HTR7: variants seen among roughly 807,000 people sequenced by gnomAD.
HTR7 encodes the protein 5-HT-7.
A neutral mutation model predicts 34.0 loss-of-function variants in HTR7; 16 were observed. The observed-to-expected ratio is 0.47, with a 90% CI of 0.32 to 0.71. The LOEUF (loss-of-function observed/expected upper bound fraction) is 0.71, where lower values mean the gene tolerates loss of function less well. Among genes scored for constraint, HTR7 ranks in the 30% least tolerant of loss-of-function variants. HTR7 has a pLI of 0.04. For synonymous variants in HTR7, 265 were observed against 260.2 expected, an observed-to-expected ratio of 1.02 and a Z score of -0.18; for missense variants, 504 against 625.5, an observed-to-expected ratio of 0.81 and a Z score of 2.07.
At chr10:90,822,164 A>C (rs1436806044) in intron 1 of HTR7, among the ~76,000 whole-genome samples, 4 of 152,228 alleles carry the variant, frequency 2.6e-5, no homozygotes, top group South Asian at 4.1e-4. Flanking sequence ...GATCAGAAGA[A>C]GACAGAAAGA....
intron 1 of HTR7, among the ~76,000 whole-genome samples, chr10:90,809,521 C>T (rs1845766482): frequency 6.6e-6 from 1 of 152,192 alleles, no homozygotes; most frequent in Admixed American, 6.5e-5. Flanking sequence ...CCCTCAAACC[C>T]CACAACGGGA....
At chr10:90,755,485 C>G (rs777644712) in intron 1 of HTR7, among the ~76,000 whole-genome samples, 2 of 152,170 alleles carry the variant, frequency 1.3e-5, no homozygotes, top group Admixed American at 1.3e-4. Context: ...AAACCATTAT[C>G]TACTCTCTTC....
At position 90,745,837 on chromosome 10, in the gene HTR7, T is replaced by G. The variant is rs532958762; in HGVS notation, c.1296-2147A>C. ...ATTACTCATCAGTGAGATGAGTAGT[T>G]TCAATAGAGACCATATGGCTAGCAA... On this transcript the variant is annotated intron_variant, in intron 2 of 3. Transcript: ENST00000336152. 2.9e-3 allele frequency among the ~76,000 whole-genome samples: 439 copies of G among 152,282 alleles called. 4 individuals carry two copies. Among genetic ancestry groups the G allele is most frequent in the Non-Finnish European group, 3.1e-3 (214 of 68,018 alleles).
At chr10:90,760,859 C>T (rs1039367559) in intron 1 of HTR7, among the ~76,000 whole-genome samples, 2 of 152,032 alleles carry the variant, frequency 1.3e-5, no homozygotes, top group African/African-American at 4.8e-5. Flanking sequence ...GCAGCCTGCG[C>T]AACAGAGTGA....
intron 1 of HTR7, among the ~76,000 whole-genome samples, chr10:90,766,591 G>A (rs2119739856): frequency 6.6e-6 from 1 of 152,210 alleles, no homozygotes; most frequent in Non-Finnish European, 1.5e-5. Context: ...TGCCTGTTTT[G>A]TAGTTCCTTT....
At position 90,742,142 on chromosome 10, in the gene HTR7, G is replaced by GA; in HGVS notation, c.*339dup. ...ACAACGCCTAGACTCAGAAGCATGG[G>GA]AAGTGTGCACTGGAACTTTCTCCCA... On this transcript the variant is annotated 3_prime_UTR_variant, in exon 4 of 4. Coordinates refer to ENST00000336152, the MANE Select transcript of HTR7 (RefSeq NM_019859.4). 5.2e-6 allele frequency: 1 copy of GA among 192,308 alleles called. No homozygotes were observed. Among genetic ancestry groups the GA allele is most frequent in the Non-Finnish European group, 1.1e-5 (1 of 94,004 alleles). 11.9% of individuals were successfully genotyped at this position (192,308 alleles called of 1,614,324 possible).
chr10:90,747,494 T>C (rs1174891462), intron 2 of HTR7, among the ~76,000 whole-genome samples: 1 of 152,226 alleles, frequency 6.6e-6, no homozygotes, highest in Non-Finnish European at 1.5e-5. Flanking sequence ...CCTGTGAAGC[T>C]ACACTCAGCT....
At chr10:90,769,389 C>T (rs957270888) in intron 1 of HTR7, among the ~76,000 whole-genome samples, 1 of 152,168 alleles carries the variant, frequency 6.6e-6, no homozygotes, top group African/African-American at 2.4e-5. Flanking sequence ...AATTAATTTG[C>T]CCATTTCCAT....
intron 1 of HTR7, among the ~76,000 whole-genome samples, chr10:90,839,755 G>A (rs1846300389): frequency 6.6e-6 from 1 of 151,978 alleles, no homozygotes; most frequent in Non-Finnish European, 1.5e-5. Context: ...AAAGGCTGTT[G>A]GAAAACAGAC....
chr10:90,807,650 G>A lies in HTR7; in HGVS notation c.539+49483C>T, dbSNP rs545740101. ...ATCTCCCTTTGCTGACTCTCTTTTCGGACTCAGCCCGCAGGCACCCAGGTG... is the reference window on the plus strand; with the variant it reads ...ATCTCCCTTTGCTGACTCTCTTTTCAGACTCAGCCCGCAGGCACCCAGGTG... On this transcript the variant is annotated intron_variant, in intron 1 of 3. Transcript: ENST00000336152. Among the ~76,000 whole-genome samples the A allele has an allele frequency of 7.2e-4, 109 of 152,124 alleles. No individual in the cohort carries two copies. The South Asian group carries it at 0.013, about 18-fold the overall frequency.
intron 1 of HTR7, among the ~76,000 whole-genome samples, chr10:90,825,359 C>T (rs1302147721): frequency 1.3e-5 from 2 of 152,146 alleles, no homozygotes; most frequent in South Asian, 2.1e-4. Context: ...CCTTCAAATA[C>T]CTGAAAAACC....
chr10:90,788,522 A>G (rs1845416433), intron 1 of HTR7, among the ~76,000 whole-genome samples: 1 of 152,206 alleles, frequency 6.6e-6, no homozygotes, highest in Non-Finnish European at 1.5e-5. Flanking sequence ...TCCAGATATA[A>G]AGCTTAAAAG....
intron 1 of HTR7, among the ~76,000 whole-genome samples, chr10:90,847,820 A>T (rs937528250): frequency 2.6e-5 from 4 of 152,248 alleles, no homozygotes; most frequent in African/African-American, 9.6e-5. Context: ...GATTAATCAT[A>T]TATCTGACTT....
Position 90,756,343 on chromosome 10 carries a change from T to C in HTR7, c.540-6749A>G, listed in dbSNP as rs113153778. Among the ~76,000 whole-genome samples the C allele has an allele frequency of 3.9e-3, 598 of 152,360 alleles. 6 individuals carry two copies. The highest frequency in any genetic ancestry group is 0.014 in the African/African-American group (572 of 41,584). ...TATGATTTGTGCAGTGTTCCGGATGTATGTAAATCAGGTTTTTTTAAATAC... is the reference window on the plus strand; with the variant it reads ...TATGATTTGTGCAGTGTTCCGGATGCATGTAAATCAGGTTTTTTTAAATAC... On this transcript the variant is annotated intron_variant, in intron 1 of 3. Transcript: ENST00000336152.
At chr10:90,817,131 A>G (rs1845908642) in intron 1 of HTR7, among the ~76,000 whole-genome samples, 1 of 152,228 alleles carries the variant, frequency 6.6e-6, no homozygotes, top group Non-Finnish European at 1.5e-5. Flanking sequence ...GGCCAATCTT[A>G]GCCAAAAGGG....
intron 1 of HTR7, among the ~76,000 whole-genome samples, chr10:90,753,377 G>C (rs934223361): frequency 2.7e-5 from 4 of 150,826 alleles, no homozygotes; most frequent in East Asian, 1.9e-4. Context: ...ATTTTAAAGA[G>C]AGAGAGAGAG....
At chr10:90,752,596 G>A (rs1844756907) in intron 1 of HTR7, among the ~76,000 whole-genome samples, 2 of 151,662 alleles carry the variant, frequency 1.3e-5, no homozygotes, top group South Asian at 4.2e-4. Context: ...AAAGAATAAT[G>A]AAGGGATACT....
intron 1 of HTR7, among the ~76,000 whole-genome samples, chr10:90,753,762 T>A (rs1052651477): frequency 3.9e-5 from 6 of 152,002 alleles, no homozygotes; most frequent in African/African-American, 1.4e-4. Context: ...ATAATATGTA[T>A]AATGCAGCCA....
chr10:90,852,318 G>A (rs995614978), intron 1 of HTR7, among the ~76,000 whole-genome samples: 5 of 151,922 alleles, frequency 3.3e-5, no homozygotes, highest in African/African-American at 1.2e-4. Context: ...AAAGAACAAT[G>A]GAAAAGATAA....
Sources: allele counts gnomAD v4.1 joint callset (sites outside exome capture counted in the v4.1 genomes callset), GRCh38; gene constraint gnomAD v4.1.1; transcripts MANE v1.5; gene names NCBI Gene and HGNC (gene_info 2026-07-23, HGNC 2026-07-21).